Variants in MYO3B observed in about 807,000 individuals in gnomAD.
MYO3B encodes myosin IIIB, also known as myosin-IIIb.
Under a neutral mutation model 174.6 loss-of-function variants are expected in MYO3B, and 156 were observed. That is an observed-to-expected ratio of 0.89 (90% confidence interval 0.78 to 1.02). The LOEUF is 1.02. Ranked by LOEUF, MYO3B falls within the 50% of genes least tolerant of loss-of-function variation. MYO3B has a pLI of 0.00. For synonymous variants in MYO3B, 563 were observed against 569.1 expected (o/e 0.99, Z 0.15); for missense variants, 1,632 against 1,639.4 (o/e 1.00, Z 0.08).
chr2:170,652,266 T>C, intron 34 of MYO3B, 112 bp downstream of exon 34: 1 of 851,826 alleles, frequency 1.2e-6, no homozygotes, highest in Non-Finnish European at 1.9e-6. Flanking sequence ...GCAATCCAGA[T>C]ATTGCCACTC....
At chr2:170,341,857 C>A (rs960409569) in intron 8 of MYO3B, among the ~76,000 whole-genome samples, 4 of 151,798 alleles carry the variant, frequency 2.6e-5, no homozygotes, top group African/African-American at 9.7e-5. Flanking sequence ...CATCTAAACA[C>A]ACCAAGGGCC....
chr2:170,181,714 G>A (rs2092401050), intron 1 of MYO3B, among the ~76,000 whole-genome samples: 1 of 152,030 alleles, frequency 6.6e-6, no homozygotes, highest in Non-Finnish European at 1.5e-5. Flanking sequence ...TTTCTTTTAT[G>A]TTCTGTTAAT....
chr2:170,324,094 A>G (rs2105503753), intron 7 of MYO3B, among the ~76,000 whole-genome samples: 1 of 152,296 alleles, frequency 6.6e-6, no homozygotes, highest in South Asian at 2.1e-4. Context: ...GCGAAATCCT[A>G]GAGGCAGAGC....
At chr2:170,413,082 C>G (rs10497372) in intron 22 of MYO3B, among the ~76,000 whole-genome samples, 26,168 of 151,984 alleles carry the variant, frequency 0.17, 2,464 homozygotes, top group East Asian at 0.34. Flanking sequence ...AAAAGATGAA[C>G]AAAAAATCTA....
intron 7 of MYO3B, among the ~76,000 whole-genome samples, chr2:170,268,653 T>C (rs1559347652): frequency 6.6e-6 from 1 of 152,190 alleles, no homozygotes; most frequent in Non-Finnish European, 1.5e-5. Context: ...TTTAGTCCTA[T>C]AGTTGTCTAG....
Position 170,653,924 on chromosome 2 carries a change from T to C in MYO3B, c.*803T>C, listed in dbSNP as rs1699152777. 1 of 152,328 alleles carries C rather than the reference T, an allele frequency of 6.6e-6. No homozygotes were observed. Among genetic ancestry groups the C allele is most frequent in the South Asian group, 2.1e-4 (1 of 4,814 alleles). 9.4% of individuals were successfully genotyped at this position (152,328 alleles called of 1,614,324 possible). ...TCCATTCACTGGTCAAATAACTCCATGAGGCTATCAGTGGCTACAGTGGAA... is the reference window on the plus strand; with the variant it reads ...TCCATTCACTGGTCAAATAACTCCACGAGGCTATCAGTGGCTACAGTGGAA... On this transcript the variant is annotated 3_prime_UTR_variant, in exon 35 of 35. Coordinates refer to ENST00000408978, the MANE Select transcript of MYO3B (RefSeq NM_138995.5).
chr2:170,576,507 C>A (rs116028759), intron 32 of MYO3B, among the ~76,000 whole-genome samples: 1 of 152,234 alleles, frequency 6.6e-6, no homozygotes, highest in African/African-American at 2.4e-5. Flanking sequence ...CTAGCATCCC[C>A]TGTTGGGAGT....
In MYO3B at chr2:170,309,419, TA is replaced by T. The variant is rs148272984; in HGVS notation, c.750-25965del. ...CTTGAAGGAATGTTCTCCCCACCGC[TA>T]CCCTGAACCTTCCCTAACCTCTTAT... On this transcript the variant is annotated intron_variant, in intron 7 of 34. Coordinates refer to ENST00000408978, the MANE Select transcript of MYO3B (RefSeq NM_138995.5). Among the ~76,000 whole-genome samples the T allele has an allele frequency of 2.5e-3, 377 of 152,346 alleles. 2 individuals are homozygous for T. The highest frequency in any genetic ancestry group is 8.8e-3 in the African/African-American group (367 of 41,572).
intron 7 of MYO3B, among the ~76,000 whole-genome samples, chr2:170,243,958 A>ACCTCAC (rs1441948839): frequency 6.6e-6 from 1 of 152,112 alleles, no homozygotes; most frequent in Non-Finnish European, 1.5e-5. Context: ...GGTCACATAC[A>ACCTCAC]CCTCACCCTC....
chr2:170,305,343 T>A (rs6756982), intron 7 of MYO3B, among the ~76,000 whole-genome samples: 5,405 of 152,262 alleles, frequency 0.035, 346 homozygotes, highest in African/African-American at 0.12. Context: ...GTTTTAGTTA[T>A]TTTAAGGTAT....
intron 32 of MYO3B, among the ~76,000 whole-genome samples, chr2:170,580,773 T>C (rs114136550): frequency 1.5e-3 from 224 of 146,092 alleles, no homozygotes; most frequent in African/African-American, 5.6e-3. Flanking sequence ...AAAGCGTAAA[T>C]AGTATATGTT....
chr2:170,460,208 G>A (rs1684185209), intron 23 of MYO3B, among the ~76,000 whole-genome samples: 1 of 152,094 alleles, frequency 6.6e-6, no homozygotes, highest in African/African-American at 2.4e-5. Flanking sequence ...ACCTATTCTA[G>A]GCCGGGCGTG....
At chr2:170,559,438 C>T (rs968322041) in intron 32 of MYO3B, among the ~76,000 whole-genome samples, 5 of 152,066 alleles carry the variant, frequency 3.3e-5, no homozygotes, top group Non-Finnish European at 7.4e-5. Flanking sequence ...GTTTCAAGGG[C>T]TCTATCCTAA....
intron 28 of MYO3B, among the ~76,000 whole-genome samples, chr2:170,513,264 T>A (rs557530972): frequency 6.6e-6 from 1 of 152,288 alleles, no homozygotes; most frequent in Non-Finnish European, 1.5e-5. Context: ...CAACAGAAAC[T>A]TATTCTGTCA....
At chr2:170,183,265 A>C (rs1044576692) in intron 1 of MYO3B, among the ~76,000 whole-genome samples, 2 of 152,224 alleles carry the variant, frequency 1.3e-5, no homozygotes, top group South Asian at 2.1e-4. Flanking sequence ...TCAAAAAAAA[A>C]CAATTATTTA....
intron 7 of MYO3B, among the ~76,000 whole-genome samples, chr2:170,321,210 A>G (rs1433895014): frequency 1.3e-5 from 2 of 152,236 alleles, no homozygotes; most frequent in East Asian, 3.8e-4. Context: ...TTAATGATCC[A>G]GAAAGAATGA....
intron 32 of MYO3B, among the ~76,000 whole-genome samples, chr2:170,556,018 A>G (rs1691265824): frequency 6.6e-6 from 1 of 152,140 alleles, no homozygotes; most frequent in South Asian, 2.1e-4. Flanking sequence ...AAACATGACG[A>G]AACACTGTCT....
chr2:170,591,859 G>A (rs528089844), intron 32 of MYO3B, among the ~76,000 whole-genome samples: 11 of 152,164 alleles, frequency 7.2e-5, no homozygotes, highest in Non-Finnish European at 7.3e-5. Context: ...AAACTTGGTC[G>A]TAGAAATCTA....
chr2:170,333,035 G>T (rs772250423), intron 7 of MYO3B, among the ~76,000 whole-genome samples: 1 of 152,068 alleles, frequency 6.6e-6, no homozygotes, highest in African/African-American at 2.4e-5. Flanking sequence ...AACTGCTTTG[G>T]GGGTGAATGA....
Sources: gnomAD v4.1 joint callset for allele counts (sites outside exome capture counted in the v4.1 genomes callset) on GRCh38, gnomAD v4.1.1 for gene constraint, MANE v1.5 for transcripts, NCBI Gene and HGNC (gene_info 2026-07-23, HGNC 2026-07-21) for gene names.